GSE1: variants seen among roughly 807,000 people sequenced by gnomAD.
GSE1 encodes the protein genetic suppressor element 1.
GSE1 carries 32 observed loss-of-function variants against 112.6 expected under a neutral mutation model. That is an observed-to-expected ratio of 0.28 (90% CI 0.21 to 0.38). GSE1 has a LOEUF of 0.38. GSE1 is among the 10% of genes least tolerant of loss of function. The pLI is 1.00. For missense variants in GSE1, 2,348 were observed against 1,699.2 expected, an observed-to-expected ratio of 1.38 and a Z score of -6.71; for synonymous variants, 1,115 against 735.6, an observed-to-expected ratio of 1.52 and a Z score of -8.35.
At chr16:85,539,112 GGAGCTGT>G (rs2044432025) in intron 2 of GSE1, among the ~76,000 whole-genome samples, 1 of 152,246 alleles carries the variant, frequency 6.6e-6, no homozygotes, top group Admixed American at 6.5e-5. Context: ...TCTTAATTAA[GGAGCTGT>G]GCAGTTTATT....
At chr16:85,549,522 A>G (rs1023569696) in intron 2 of GSE1, among the ~76,000 whole-genome samples, 1 of 152,224 alleles carries the variant, frequency 6.6e-6, no homozygotes, top group Non-Finnish European at 1.5e-5. Flanking sequence ...CCTGCTGCAC[A>G]GGGGCAGGCT....
rs941097860 is a variant in GSE1, at chr16:85,416,217, T to C, written c.2464+58574T>C. Among the ~76,000 whole-genome samples, 3 of 152,216 alleles carry C rather than the reference T, an allele frequency of 2.0e-5. No individual in the cohort carries two copies. The South Asian group carries it at 6.2e-4, about 31-fold the overall frequency. The stretch of plus-strand genomic sequence containing the variant: ...ATTAGAGCGCCTTTACAATAGTTTA[T>C]GTTGAGAGTGGAATATAAATTGCAT... On this transcript the variant is annotated intron_variant, in intron 2 of 2. Transcript: ENST00000637419.
At chr16:85,259,801 G>A (rs1265474797) in intron 1 of GSE1, among the ~76,000 whole-genome samples, 2 of 152,230 alleles carry the variant, frequency 1.3e-5, no homozygotes, top group African/African-American at 4.8e-5. Context: ...ATCCTGCAGT[G>A]ATGGGCGCAT....
intron 2 of GSE1, among the ~76,000 whole-genome samples, chr16:85,519,394 C>T (rs2052071960): frequency 1.8e-4 from 12 of 67,826 alleles, no homozygotes; most frequent in African/African-American, 7.5e-4. Flanking sequence ...ACCTTCACCA[C>T]CATCATCACT....
chr16:85,403,085 G>A (rs555792143), intron 2 of GSE1, among the ~76,000 whole-genome samples: 1 of 31,850 alleles, frequency 3.1e-5, no homozygotes, highest in South Asian at 2.2e-3. Context: ...CCTCTCCCAT[G>A]GTTGCTGGGG....
intron 2 of GSE1, among the ~76,000 whole-genome samples, chr16:85,422,510 C>T (rs1031001780): frequency 3.3e-5 from 5 of 151,418 alleles, no homozygotes; most frequent in Non-Finnish European, 5.9e-5. Context: ...GGAGGAGGAG[C>T]AGCGTGCGGG....
At chr16:85,634,580 T>C (rs1461946431) in intron 2 of GSE1, among the ~76,000 whole-genome samples, 2 of 152,094 alleles carry the variant, frequency 1.3e-5, no homozygotes, top group Non-Finnish European at 2.9e-5. Context: ...AACACAGTGG[T>C]CTGGAGCGGG....
At chr16:85,669,762 A>T (rs567926428) in intron 14 of GSE1, among the ~76,000 whole-genome samples, 1 of 151,738 alleles carries the variant, frequency 6.6e-6, no homozygotes, top group Non-Finnish European at 1.5e-5. Context: ...CGTAGGATTC[A>T]TGTGTGTGTA....
upstream of GSE1, chr16:85,611,405 A>G (rs929101982): frequency 5.3e-6 from 5 of 939,546 alleles, no homozygotes; most frequent in South Asian, 1.5e-4. Flanking sequence ...CGCGCGGCCG[A>G]GCCACCGTGT....
At chr16:85,590,649 G>A (rs1033201900) in intron 1 of GSE1, among the ~76,000 whole-genome samples, 1 of 152,196 alleles carries the variant, frequency 6.6e-6, no homozygotes, top group Non-Finnish European at 1.5e-5. Context: ...GTGTGAGCGT[G>A]TGTGATTGAG....
chr16:85,212,405 C>CAA (rs369119370), intron 1 of GSE1, among the ~76,000 whole-genome samples: 25 of 150,964 alleles, frequency 1.7e-4, no homozygotes, highest in African/African-American at 5.8e-4. Context: ...GACTAGGTCT[C>CAA]AAAAAAAACA....
In GSE1 at chr16:85,339,630, A is replaced by C. The variant is rs2046581575; in HGVS notation, c.2284-17833A>C. ...TGGATGTGCGGAGGGGGAGGGGGGC[A>C]GAGAGAGGCGGCGGGCGCAGGGTGG... On this transcript the variant is annotated intron_variant, in intron 1 of 2. Transcript: ENST00000637419. Among the ~76,000 whole-genome samples the C allele has an allele frequency of 1.7e-4, 16 of 92,166 alleles. No homozygotes were observed. The South Asian group carries it at 6.9e-3, about 40-fold the overall frequency. 60.5% of individuals were successfully genotyped at this position (92,166 alleles called of 152,430 possible). A position where few individuals can be genotyped will look rare whatever the true frequency, so the allele number is the denominator to read the frequency against.
At position 85,571,767 on chromosome 16, in the gene GSE1, C is replaced by T. The variant is rs371902099; in HGVS notation, c.37+15404C>T. Among the ~76,000 whole-genome samples the T allele has an allele frequency of 1.8e-3, 280 of 152,158 alleles. 1 individual carries two copies. Among genetic ancestry groups the T allele is most frequent in the Middle Eastern group, 0.014 (4 of 294 alleles). ...AGAGGCGTGGGGGCAGAGGCCATGG[C>T]GGAGCTCAGGCTGCAGAGGGTCCCT... On this transcript the variant is annotated intron_variant, in intron 1 of 2. Coordinates refer to the GSE1 transcript ENST00000635906.
At chr16:85,228,140 C>G (rs1276683533) in intron 1 of GSE1, among the ~76,000 whole-genome samples, 1 of 152,218 alleles carries the variant, frequency 6.6e-6, no homozygotes, top group Admixed American at 6.5e-5. Flanking sequence ...AGGAGTGAGC[C>G]TGGCTGCTGG....
chr16:85,383,324 GCA>G (rs1250557945), intron 2 of GSE1, among the ~76,000 whole-genome samples: 3 of 150,710 alleles, frequency 2.0e-5, no homozygotes, highest in Admixed American at 6.6e-5. Flanking sequence ...ACAGTCCTCA[GCA>G]CACACACACC....
At chr16:85,527,812 C>T (rs187127363) in intron 2 of GSE1, among the ~76,000 whole-genome samples, 331 of 152,288 alleles carry the variant, frequency 2.2e-3, no homozygotes, top group Admixed American at 4.2e-3. Context: ...GAGTGACCGT[C>T]GAAGGAGGGG....
intron 1 of GSE1, among the ~76,000 whole-genome samples, chr16:85,246,272 CA>C: frequency 1.4e-5 from 2 of 143,124 alleles, no homozygotes; most frequent in African/African-American, 5.3e-5. Context: ...CACACACACA[CA>C]CCCCACACGC....
At chr16:85,655,297 C>T (rs1020837710) in intron 5 of GSE1, among the ~76,000 whole-genome samples, 4 of 152,182 alleles carry the variant, frequency 2.6e-5, no homozygotes, top group East Asian at 1.9e-4. Context: ...GTGGGAGAGG[C>T]GATGCTTTGC....
At chr16:85,318,300 G>A (rs2046028272) in intron 1 of GSE1, among the ~76,000 whole-genome samples, 1 of 152,152 alleles carries the variant, frequency 6.6e-6, no homozygotes. Flanking sequence ...GTCTTACTCT[G>A]GGCCCCAGGC....
Sources: allele counts gnomAD v4.1 joint callset (sites outside exome capture counted in the v4.1 genomes callset), GRCh38; gene constraint gnomAD v4.1.1; transcripts MANE v1.5; gene names NCBI Gene and HGNC (gene_info 2026-07-23, HGNC 2026-07-21).